Variants in TIA1 observed in about 807,000 individuals in gnomAD.
TIA1 encodes the protein TIA1 cytotoxic granule associated RNA binding protein.
TIA1 carries 23 observed loss-of-function variants against 65.9 expected under a neutral mutation model. That is an observed-to-expected ratio of 0.35 (90% CI 0.25 to 0.49). The LOEUF (loss-of-function observed/expected upper bound fraction) is 0.49. Among genes scored for constraint, TIA1 ranks in the 20% least tolerant of loss-of-function variants. The pLI, the probability that TIA1 is intolerant of heterozygous loss-of-function variation, is 0.98. For synonymous variants in TIA1, 147 were observed against 149.4 expected, an observed-to-expected ratio of 0.98 and a Z score of 0.12; for missense variants, 371 against 477.9, an observed-to-expected ratio of 0.78 and a Z score of 2.09.
At chr2:70,236,526 A>T (rs1689029860) in intron 1 of TIA1, among the ~76,000 whole-genome samples, 1 of 151,468 alleles carries the variant, frequency 6.6e-6, no homozygotes, top group Non-Finnish European at 1.5e-5. Flanking sequence ...TAGTCTGGCT[A>T]TATTGCTCAG....
Position 70,225,861 on chromosome 2 carries a change from TATAAGGGAAA to T in TIA1, c.399-1242_399-1233del, listed in dbSNP as rs562385043. On this transcript the variant is annotated intron_variant, in intron 6 of 12. Transcript: ENST00000433529. ...GAATAGGAAGAGTTTATAGGCTGTA[TATAAGGGAAA>T]ATACCATATTTTTTATACTACATGC... Among the ~76,000 whole-genome samples, 7 of 152,302 alleles carry T rather than the reference TATAAGGGAAA, an allele frequency of 4.6e-5. No homozygotes were observed. The South Asian group carries it at 1.5e-3, about 32-fold the overall frequency.
chr2:70,243,501 C>G (rs967004135), intron 1 of TIA1, among the ~76,000 whole-genome samples: 1 of 152,010 alleles, frequency 6.6e-6, no homozygotes, highest in Non-Finnish European at 1.5e-5. Flanking sequence ...AGCATCCTAA[C>G]CTTATTATTA....
chr2:70,245,259 T>C (rs1693784196), intron 1 of TIA1, among the ~76,000 whole-genome samples: 1 of 152,188 alleles, frequency 6.6e-6, no homozygotes, highest in Non-Finnish European at 1.5e-5. Flanking sequence ...AGTGCTGGGA[T>C]TACAGGTGTG....
chr2:70,216,586 G>GT, intron 8 of TIA1, 87 bp from the exon 9 acceptor site: 11 of 1,376,622 alleles, frequency 8.0e-6, no homozygotes, highest in Non-Finnish European at 1.0e-6. Context: ...TACTGTAAAG[G>GT]TAACATTAAC....
At chr2:70,244,611 G>A (rs557752909) in intron 1 of TIA1, among the ~76,000 whole-genome samples, 41 of 151,958 alleles carry the variant, frequency 2.7e-4, no homozygotes, top group Non-Finnish European at 4.9e-4. Context: ...TGAGGCAGGC[G>A]GATCGCGAGG....
Position 70,214,416 on chromosome 2 carries a change from T to C in TIA1, c.967A>G (p.Met323Val), listed in dbSNP as rs1365954613. Reference sequence around the variant, plus strand: ...GCAGGAACTTGCCAACCATTAGGCATATACTGGCCAATTTGTTGTGCATTT... The same window carrying C: ...GCAGGAACTTGCCAACCATTAGGCACATACTGGCCAATTTGTTGTGCATTT... ...YGNAQQIGQY[M>V]PNGWQVPAYG... The change falls in exon 12 of 13, where the codon ATG becomes GTG. Residue 323 changes from methionine to valine, a missense_variant. Met to Val is a conservative substitution (Grantham distance 21). Transcript: ENST00000433529. 10 of 1,614,076 alleles carry C rather than the reference T, an allele frequency of 6.2e-6. No individual in the cohort carries two copies. Among genetic ancestry groups the C allele is most frequent in the Non-Finnish European group, 8.5e-6 (10 of 1,179,996 alleles).
At chr2:70,222,102 C>G (rs530210607) in intron 7 of TIA1, among the ~76,000 whole-genome samples, 9 of 151,812 alleles carry the variant, frequency 5.9e-5, no homozygotes, top group African/African-American at 2.2e-4. Flanking sequence ...TGAATTATAT[C>G]TCAATAAAGC....
chr2:70,215,538 A>C (rs1278267960), intron 10 of TIA1, 44 bp from the exon 11 acceptor site: 1 of 1,518,872 alleles, frequency 6.6e-7, no homozygotes, highest in African/African-American at 1.4e-5. Context: ...AATTCTTTTA[A>C]ATATTTATGA....
chr2:70,244,858 G>C (rs909544562), intron 1 of TIA1, among the ~76,000 whole-genome samples: 3 of 112,280 alleles, frequency 2.7e-5, no homozygotes, highest in Admixed American at 1.7e-4. Flanking sequence ...AAAAAAAAAA[G>C]ATAGGTCTGA....
Position 70,212,802 on chromosome 2 carries a change from C to A in TIA1, c.1078G>T (p.Val360Leu). The A allele has an allele frequency of 1.2e-6, 2 of 1,614,124 alleles. No individual in the cohort carries two copies. The highest frequency in any genetic ancestry group is 2.2e-5 in the South Asian group (2 of 91,080). The change falls in exon 13 of 13, where the codon GTG (valine) becomes TTG (leucine). Residue 360 changes from valine to leucine, a missense_variant. By Grantham distance (32) the Val-to-Leu change is conservative. Transcript: ENST00000433529. ...SAPWMGPNYG[V>L]QPPQGQNGSM... ...CCATTTTGCCCTTGAGGCGGTTGCA[C>A]TCCATAATTTGGTCCCATCCATGGT...
In TIA1 at chr2:70,236,171, C is replaced by G. The variant is rs199622537; in HGVS notation, c.31G>C (p.Val11Leu). The G allele has an allele frequency of 1.5e-5, 24 of 1,598,820 alleles. No individual in the cohort carries two copies. In the East Asian group the frequency reaches 1.8e-4, roughly 12 times the overall value. Residue 11 changes from valine (V) to leucine (L), a missense_variant, in exon 2 of 13, where the codon GTC becomes CTC. Coordinates refer to ENST00000433529, the MANE Select transcript of TIA1 (RefSeq NM_022173.4). ...GTCACATCTCTGGAAAGGTTACCGACGTATCTGAAACACAAAGAGAAACAA... is the reference window on the plus strand; with the variant it reads ...GTCACATCTCTGGAAAGGTTACCGAGGTATCTGAAACACAAAGAGAAACAA... MEDEMPKTLYVGNLSRDVTEA... is the reference protein window; with the variant it reads MEDEMPKTLYLGNLSRDVTEA...
intron 1 of TIA1, 79 bp downstream of exon 1, chr2:70,248,326 G>T: frequency 7.3e-6 from 11 of 1,500,196 alleles, no homozygotes; most frequent in Non-Finnish European, 9.9e-6. Context: ...AGAACAATAG[G>T]CTGGGAGCGG....
At position 70,214,513 on chromosome 2, in the gene TIA1, T is replaced by C; in HGVS notation, c.889-19A>G. The C allele has an allele frequency of 6.3e-7, 1 of 1,592,612 alleles. No homozygotes were observed. Among genetic ancestry groups the C allele is most frequent in the Non-Finnish European group, 8.5e-7 (1 of 1,169,600 alleles). On this transcript the variant is annotated intron_variant, in intron 11 of 12. Transcript: ENST00000433529. ...GATTCTGCTATTAAATAAAATTTAG[T>C]ATTACTTGAAGTTAACTATATATAT...
At chr2:70,219,636 G>T (rs1009826080) in intron 7 of TIA1, among the ~76,000 whole-genome samples, 7 of 149,344 alleles carry the variant, frequency 4.7e-5, no homozygotes, top group African/African-American at 1.7e-4. Flanking sequence ...AAGGTTGGCT[G>T]TTTTTTTTAT....
At chr2:70,223,037 T>G (rs191404223) in intron 7 of TIA1, among the ~76,000 whole-genome samples, 1 of 152,258 alleles carries the variant, frequency 6.6e-6, no homozygotes, top group African/African-American at 2.4e-5. Flanking sequence ...CCTTTGCTAT[T>G]TGACTCTAGT....
intron 10 of TIA1, 105 bp from the exon 11 acceptor site, chr2:70,215,599 G>T: frequency 3.0e-6 from 3 of 1,006,782 alleles, no homozygotes; most frequent in South Asian, 1.8e-5. Context: ...AACAGTTTGC[G>T]TAACATGGCA....
chr2:70,246,655 G>A (rs1694482808), intron 1 of TIA1, among the ~76,000 whole-genome samples: 1 of 152,194 alleles, frequency 6.6e-6, no homozygotes, highest in Admixed American at 6.5e-5. Context: ...GGAGGCCGAG[G>A]TGTGCGGATC....
At chr2:70,246,969 TA>T (rs1694657313) in intron 1 of TIA1, among the ~76,000 whole-genome samples, 1 of 152,152 alleles carries the variant, frequency 6.6e-6, no homozygotes, top group Non-Finnish European at 1.5e-5. Flanking sequence ...TTTCTAAAAT[TA>T]AACATTTTCA....
intron 7 of TIA1, among the ~76,000 whole-genome samples, chr2:70,221,898 C>T (rs1428302450): frequency 6.6e-6 from 1 of 151,922 alleles, no homozygotes; most frequent in Non-Finnish European, 1.5e-5. Flanking sequence ...GGTGATTCCC[C>T]CACCTCTGCC....
Sources: gnomAD v4.1 joint callset for allele counts (sites outside exome capture counted in the v4.1 genomes callset) on GRCh38, gnomAD v4.1.1 for gene constraint, MANE v1.5 for transcripts, NCBI Gene and HGNC (gene_info 2026-07-23, HGNC 2026-07-21) for gene names.